RTN1: variants seen among roughly 807,000 people sequenced by gnomAD.
RTN1 encodes reticulon 1, also known as reticulon-1.
RTN1 carries 25 observed loss-of-function variants against 65.5 expected under a neutral mutation model. That is an observed-to-expected ratio of 0.38 (90% CI 0.28 to 0.53). The LOEUF is 0.53. Among genes scored for constraint, RTN1 ranks in the 20% least tolerant of loss-of-function variants. The pLI is 0.79. For synonymous variants in RTN1, 471 were observed against 447.6 expected (o/e 1.05, Z -0.66); for missense variants, 983 against 1,025.4 (o/e 0.96, Z 0.57).
At chr14:59,842,618 T>G in intron 1 of RTN1, among the ~76,000 whole-genome samples, 1 of 152,180 alleles carries the variant, frequency 6.6e-6, no homozygotes, top group South Asian at 2.1e-4. Flanking sequence ...ATCTATTAAC[T>G]TAACCTAATT....
intron 3 of RTN1, among the ~76,000 whole-genome samples, chr14:59,679,735 T>C (rs1477916392): frequency 6.6e-6 from 1 of 152,166 alleles, no homozygotes; most frequent in African/African-American, 2.4e-5. Context: ...ACTCAACCTA[T>C]CACTTATTGC....
chr14:59,848,438 A>T (rs778123511), intron 1 of RTN1, among the ~76,000 whole-genome samples: 12 of 152,250 alleles, frequency 7.9e-5, no homozygotes, highest in Non-Finnish European at 1.5e-4. Flanking sequence ...ATAACTGTCA[A>T]GAATTGTTTT....
chr14:59,606,814 A>C (rs926053531), intron 4 of RTN1, among the ~76,000 whole-genome samples: 1 of 152,096 alleles, frequency 6.6e-6, no homozygotes, highest in African/African-American at 2.4e-5. Context: ...TGAACCCTGC[A>C]CCCCCACCAG....
chr14:59,712,458 G>C (rs1003519417), intron 3 of RTN1, among the ~76,000 whole-genome samples: 2 of 152,140 alleles, frequency 1.3e-5, no homozygotes, highest in African/African-American at 4.8e-5. Context: ...CCTCCCGAGA[G>C]GCAACCTGTC....
In RTN1 at chr14:59,727,342, A is replaced by G. The variant is rs1884792917; in HGVS notation, c.1342T>C (p.Ser448Pro). The change falls in exon 3 of 9, where the codon TCC (serine) becomes CCC (proline). Residue 448 changes from serine (S) to proline (P), a missense_variant. This residue lies in a region of RTN1 where 818 missense variants were observed against 801.8 expected (regional missense o/e 1.02). Coordinates refer to ENST00000267484, the MANE Select transcript of RTN1 (RefSeq NM_021136.3). The surrounding 1 kb of genome is among the most constrained non-coding windows in gnomAD (Gnocchi z 4.2). ...TCCCTCAGGATGCTGTACTGGATGG[A>G]TGGCGAGGCGGGCGAGGGCGGCGGG... ...GGPPPSPASP[S>P]IQYSILREER... is the part of the protein sequence containing the mutation. 1.3e-6 allele frequency: 2 copies of G among 1,517,334 alleles called. No homozygotes were observed. The highest frequency in any genetic ancestry group is 2.5e-5 in the South Asian group (2 of 79,628). The allele number at this position is 1,517,334 out of a possible 1,614,324, so 94.0% of individuals were successfully genotyped here.
intron 1 of RTN1, among the ~76,000 whole-genome samples, chr14:59,777,377 A>C (rs996609991): frequency 6.6e-6 from 1 of 152,144 alleles, no homozygotes; most frequent in Non-Finnish European, 1.5e-5. Flanking sequence ...TTACTCATCA[A>C]TTGGAAATAG....
intron 3 of RTN1, among the ~76,000 whole-genome samples, chr14:59,648,435 A>G (rs958670157): frequency 6.6e-6 from 1 of 152,202 alleles, no homozygotes; most frequent in Non-Finnish European, 1.5e-5. Flanking sequence ...TCCCCAACTA[A>G]TTCTGTGAGG....
intron 3 of RTN1, among the ~76,000 whole-genome samples, chr14:59,652,674 C>T (rs1442921927): frequency 6.6e-6 from 1 of 151,896 alleles, no homozygotes; most frequent in African/African-American, 2.4e-5. Flanking sequence ...CTGGGGCCTA[C>T]TTGAGGGTGG....
At chr14:59,752,098 C>A (rs1032054330) in intron 1 of RTN1, among the ~76,000 whole-genome samples, 8 of 152,336 alleles carry the variant, frequency 5.3e-5, no homozygotes, top group African/African-American at 1.7e-4. Flanking sequence ...CACACCTCTG[C>A]CCTTCAATCT....
chr14:59,827,140 G>A (rs1401152111), intron 1 of RTN1, among the ~76,000 whole-genome samples: 2 of 152,202 alleles, frequency 1.3e-5, no homozygotes, highest in African/African-American at 4.8e-5. Context: ...GTACAGTGGC[G>A]TGATCTCGGC....
At chr14:59,789,804 A>G (rs936761643) in intron 1 of RTN1, among the ~76,000 whole-genome samples, 28 of 152,228 alleles carry the variant, frequency 1.8e-4, no homozygotes, top group African/African-American at 4.3e-4. Flanking sequence ...CTAAATATCT[A>G]CATATAATGT....
chr14:59,775,361 T>G (rs890107834), intron 1 of RTN1, among the ~76,000 whole-genome samples: 1 of 152,176 alleles, frequency 6.6e-6, no homozygotes, highest in African/African-American at 2.4e-5. Context: ...CTATTCTTTT[T>G]GAGGAATTAT....
intron 2 of RTN1, among the ~76,000 whole-genome samples, chr14:59,740,218 A>C (rs1885089710): frequency 6.6e-6 from 1 of 152,212 alleles, no homozygotes; most frequent in African/African-American, 2.4e-5. Context: ...GGCACACCGG[A>C]GGTACGCAAT....
In RTN1 at chr14:59,819,595, G is replaced by A. The variant is rs1391078210; in HGVS notation, c.241+50795C>T. On this transcript the variant is annotated intron_variant, in intron 1 of 8. Coordinates refer to ENST00000267484, the MANE Select transcript of RTN1 (RefSeq NM_021136.3). Reference sequence around the variant, plus strand: ...GCTGCCCACCAGTTCTGCGCTGCGCGACCACTGTTGTCAGCCCTTGGGCGG... The same window carrying A: ...GCTGCCCACCAGTTCTGCGCTGCGCAACCACTGTTGTCAGCCCTTGGGCGG... Among the ~76,000 whole-genome samples, 6 of 152,106 alleles carry A rather than the reference G, an allele frequency of 3.9e-5. No homozygotes were observed. The South Asian group carries it at 1.0e-3, about 26-fold the overall frequency.
At chr14:59,802,251 T>C (rs1202710453) in intron 1 of RTN1, among the ~76,000 whole-genome samples, 2 of 152,262 alleles carry the variant, frequency 1.3e-5, no homozygotes, top group Non-Finnish European at 2.9e-5. Flanking sequence ...GGAACATTGC[T>C]ATTCAAACTG....
chr14:59,616,968 G>A (rs1882119492), intron 3 of RTN1, among the ~76,000 whole-genome samples: 1 of 152,162 alleles, frequency 6.6e-6, no homozygotes, highest in Non-Finnish European at 1.5e-5. Flanking sequence ...AAAATTTGGA[G>A]CACATTTGTT....
intron 1 of RTN1, among the ~76,000 whole-genome samples, chr14:59,751,991 C>T (rs1885532075): frequency 6.6e-6 from 1 of 152,168 alleles, no homozygotes; most frequent in Non-Finnish European, 1.5e-5. Context: ...ACCAGCTTTT[C>T]TAGCCCTGTC....
chr14:59,827,844 C>A (rs1221988741), intron 1 of RTN1, among the ~76,000 whole-genome samples: 3 of 152,202 alleles, frequency 2.0e-5, no homozygotes, highest in Admixed American at 2.0e-4. Flanking sequence ...TATCTGCATT[C>A]AGGGCAAGTC....
chr14:59,794,601 G>A lies in RTN1; in HGVS notation c.242-48120C>T, dbSNP rs1020458409. ...CAAAGATCCATGTCTGCTCCATGGT[G>A]TTGGGAGCAAGGTTCTTTCCATCTT... On this transcript the variant is annotated intron_variant, in intron 1 of 8. Coordinates refer to ENST00000267484, the MANE Select transcript of RTN1 (RefSeq NM_021136.3). The surrounding 1 kb of genome is among the most constrained non-coding windows in gnomAD (Gnocchi z 5.1). Among the ~76,000 whole-genome samples the A allele has an allele frequency of 2.0e-5, 3 of 152,186 alleles. No individual in the cohort carries two copies. Among genetic ancestry groups the A allele is most frequent in the African/African-American group, 7.2e-5 (3 of 41,454 alleles).
Sources: allele counts gnomAD v4.1 joint callset (sites outside exome capture counted in the v4.1 genomes callset), GRCh38; gene constraint gnomAD v4.1.1; regional missense constraint gnomAD v4.1.1; non-coding constraint Gnocchi (gnomAD v3.1); transcripts MANE v1.5; gene names NCBI Gene and HGNC (gene_info 2026-07-23, HGNC 2026-07-21).